Variants in TCF12 observed in about 807,000 individuals in gnomAD.
TCF12 encodes transcription factor 12.
A neutral mutation model predicts 86.0 loss-of-function variants in TCF12; 45 were observed. The ratio of observed to expected loss-of-function variants is 0.52; its 90% confidence interval spans 0.41 to 0.67. TCF12 has a LOEUF of 0.67. TCF12 is among the 30% of genes least tolerant of loss of function. The probability of loss-of-function intolerance (pLI) is 0.00; values close to 1 mark genes in which losing one functional copy is unlikely to be tolerated. For synonymous variants in TCF12, 330 were observed against 299.6 expected, an observed-to-expected ratio of 1.10 and a Z score of -1.05; for missense variants, 881 against 859.9, an observed-to-expected ratio of 1.02 and a Z score of -0.31.
At chr15:57,208,239 G>A (rs193161963) in intron 8 of TCF12, among the ~76,000 whole-genome samples, 9 of 151,348 alleles carry the variant, frequency 5.9e-5, no homozygotes, top group Middle Eastern at 6.8e-3. Context: ...TCACCATCTT[G>A]GCCAGGCTGG....
At chr15:57,089,767 A>T (rs904436958) in intron 4 of TCF12, among the ~76,000 whole-genome samples, 6 of 152,284 alleles carry the variant, frequency 3.9e-5, no homozygotes, top group African/African-American at 1.4e-4. Context: ...TTGCTGTAGG[A>T]TGACAAACAA....
chr15:56,920,615 A>T (rs1716562860), intron 2 of TCF12, among the ~76,000 whole-genome samples: 1 of 151,950 alleles, frequency 6.6e-6, no homozygotes, highest in African/African-American at 2.4e-5. Flanking sequence ...TGCTGTTAGG[A>T]GGCAGCACCT....
chr15:57,220,888 T>G (rs2058559273), intron 8 of TCF12, among the ~76,000 whole-genome samples: 1 of 152,140 alleles, frequency 6.6e-6, no homozygotes, highest in South Asian at 2.1e-4. Context: ...TATATGGGCT[T>G]AGTGAAGGGG....
chr15:57,179,905 A>C (rs1469046979), intron 6 of TCF12, among the ~76,000 whole-genome samples: 1 of 152,196 alleles, frequency 6.6e-6, no homozygotes, highest in Admixed American at 6.5e-5. Context: ...AAAACACTAG[A>C]GAGGATCATA....
chr15:57,087,108 T>A (rs1483969639), intron 4 of TCF12, among the ~76,000 whole-genome samples: 1 of 149,246 alleles, frequency 6.7e-6, no homozygotes, highest in African/African-American at 2.5e-5. Context: ...TCTCTCTCCC[T>A]CTCCCTCTCC....
intron 5 of TCF12, among the ~76,000 whole-genome samples, chr15:57,142,304 T>TAGATAGATAGATAGATAGATAG (rs2053028299): frequency 2.7e-5 from 4 of 149,612 alleles, no homozygotes; most frequent in Non-Finnish European, 5.9e-5. Context: ...CTCACACTTT[T>TAGATAGATAGATAGATAGATAG]ATAGATAGAT....
intron 4 of TCF12, among the ~76,000 whole-genome samples, chr15:57,073,798 G>A (rs1439583624): frequency 6.6e-6 from 1 of 152,140 alleles, no homozygotes; most frequent in African/African-American, 2.4e-5. Context: ...GCCCAGGCTG[G>A]AGTACGGTGG....
At chr15:57,168,906 C>T (rs556368761) in intron 6 of TCF12, among the ~76,000 whole-genome samples, 176 of 152,124 alleles carry the variant, frequency 1.2e-3, no homozygotes, top group African/African-American at 4.1e-3. Flanking sequence ...ATTAGCCGGG[C>T]GTGGTGGCAG....
At chr15:56,918,518 G>C, upstream of TCF12, 1 of 315,690 alleles carries the variant, frequency 3.2e-6, no homozygotes, top group Non-Finnish European at 6.2e-6. Flanking sequence ...GCCGCGGTGC[G>C]GCTCCTCCCA....
At chr15:57,280,496 A>AT (rs1382921125) in intron 19 of TCF12, among the ~76,000 whole-genome samples, 1 of 152,176 alleles carries the variant, frequency 6.6e-6, no homozygotes, top group East Asian at 1.9e-4. Flanking sequence ...CATAATGAAG[A>AT]TTTTTGTTTA....
chr15:57,155,483 TG>T (rs2054051591), intron 5 of TCF12, among the ~76,000 whole-genome samples: 1 of 152,162 alleles, frequency 6.6e-6, no homozygotes, highest in Non-Finnish European at 1.5e-5. Flanking sequence ...TTTGTCCTCA[TG>T]TAGCAAGAAC....
chr15:56,933,929 T>C (rs1393315308), intron 3 of TCF12, among the ~76,000 whole-genome samples: 1 of 151,878 alleles, frequency 6.6e-6, no homozygotes, highest in African/African-American at 2.4e-5. Context: ...TTCATCAGAA[T>C]GAAATATATA....
chr15:57,220,382 C>T (rs1410169453), intron 8 of TCF12, among the ~76,000 whole-genome samples: 2 of 152,044 alleles, frequency 1.3e-5, no homozygotes, highest in African/African-American at 4.8e-5. Context: ...TAGTAAGGGC[C>T]GTATTTCCTG....
intron 3 of TCF12, among the ~76,000 whole-genome samples, chr15:57,051,279 G>T (rs541424976): frequency 6.6e-6 from 1 of 152,248 alleles, no homozygotes; most frequent in Admixed American, 6.5e-5. Context: ...TTATTTTAGC[G>T]TTCCACCTGT....
At chr15:57,009,020 A>G (rs1263160914) in intron 3 of TCF12, among the ~76,000 whole-genome samples, 1 of 152,220 alleles carries the variant, frequency 6.6e-6, no homozygotes, top group Admixed American at 6.5e-5. Context: ...ATAAAATGCT[A>G]TAAGCTCTTC....
chr15:57,096,749 G>A (rs549043103), intron 5 of TCF12, among the ~76,000 whole-genome samples: 1 of 152,232 alleles, frequency 6.6e-6, no homozygotes, highest in Admixed American at 6.5e-5. Flanking sequence ...AATTGTGGTT[G>A]ATTGATTTCA....
intron 5 of TCF12, among the ~76,000 whole-genome samples, chr15:57,124,429 T>C (rs972469633): frequency 2.6e-5 from 4 of 152,170 alleles, no homozygotes; most frequent in Non-Finnish European, 1.5e-5. Context: ...TGTAGAATTC[T>C]GGGCACTCTG....
chr15:57,282,704 A>G (rs907563583), intron 20 of TCF12, 106 bp downstream of exon 20: 40 of 1,298,880 alleles, frequency 3.1e-5, no homozygotes, highest in Non-Finnish European at 1.1e-6. Context: ...TGGCCATTGT[A>G]AAGGTCACAT....
intron 17 of TCF12, among the ~76,000 whole-genome samples, chr15:57,262,690 G>A (rs1756391142): frequency 6.6e-6 from 1 of 152,174 alleles, no homozygotes; most frequent in Admixed American, 6.5e-5. Context: ...GCACTTGAAA[G>A]TGCAAATAAG....
Sources: gnomAD v4.1 joint callset for allele counts (sites outside exome capture counted in the v4.1 genomes callset) on GRCh38, gnomAD v4.1.1 for gene constraint, MANE v1.5 for transcripts, NCBI Gene and HGNC (gene_info 2026-07-23, HGNC 2026-07-21) for gene names.